Variants in MAP4K1 observed in about 807,000 individuals in gnomAD.
The protein encoded by MAP4K1 is MAPK/ERK kinase kinase kinase 1.
In MAP4K1, 35 loss-of-function variants were observed where a neutral mutation model predicts 122.8. The observed-to-expected ratio is 0.29, with a 90% CI of 0.22 to 0.38. MAP4K1 has a LOEUF of 0.38. Ranked by LOEUF, MAP4K1 falls within the 10% of genes least tolerant of loss-of-function variation. MAP4K1 has a pLI of 1.00. For synonymous variants in MAP4K1, 412 were observed against 421.3 expected (o/e 0.98, Z 0.27); for missense variants, 791 against 1,072.6 (o/e 0.74, Z 3.67).
intron 4 of MAP4K1, 62 bp from the exon 5 acceptor site, chr19:38,614,507 A>G: frequency 6.4e-7 from 1 of 1,573,610 alleles, no homozygotes; most frequent in Non-Finnish European, 8.7e-7. Flanking sequence ...TGGGCTGGGG[A>G]GTCCTGCCCC....
In MAP4K1 at chr19:38,595,807, G is replaced by A. The variant is rs1974856813; in HGVS notation, c.2180-78C>T. On this transcript the variant is annotated intron_variant, in intron 27 of 30. Transcript: ENST00000396857. The stretch of plus-strand genomic sequence containing the variant: ...TAAGGGACCAATCCATAAATTCAGT[G>A]TGAAAGCTATGTAGGACAGGGGCAA... 4 of 1,491,536 alleles carry A rather than the reference G, an allele frequency of 2.7e-6. No individual in the cohort carries two copies. In the South Asian group the frequency reaches 3.5e-5, roughly 13 times the overall value. The allele number at this position is 1,491,536 out of a possible 1,614,324, so 92.4% of individuals were successfully genotyped here.
chr19:38,612,146 G>A (rs938274814), intron 9 of MAP4K1, among the ~76,000 whole-genome samples: 5 of 151,586 alleles, frequency 3.3e-5, no homozygotes, highest in Admixed American at 2.6e-4. Flanking sequence ...TAGGCTGGGT[G>A]CAGTGGTTCA....
At chr19:38,610,679 C>T (rs1184808790) in intron 11 of MAP4K1, among the ~76,000 whole-genome samples, 1 of 152,100 alleles carries the variant, frequency 6.6e-6, no homozygotes, top group Admixed American at 6.6e-5. Context: ...AGCCACCATG[C>T]CCAGCCGACC....
chr19:38,590,388 AAAAAAAATAT>A (rs1482092156), intron 30 of MAP4K1, among the ~76,000 whole-genome samples: 26 of 48,754 alleles, frequency 5.3e-4, no homozygotes, highest in Non-Finnish European at 7.2e-4. Flanking sequence ...AAAAAAAAAA[AAAAAAAATAT>A]ATATATATAT....
Position 38,605,584 on chromosome 19 carries a change from G to C in MAP4K1, c.1347C>G (p.His449Gln), listed in dbSNP as rs1252710565. The change falls in exon 18 of 31, where the codon CAC becomes CAG. Residue 449 changes from histidine (H) to glutamine (Q), a missense_variant. This residue lies in a region of MAP4K1 where 303 missense variants were observed against 344.8 expected (regional missense o/e 0.88). Transcript: ENST00000396857. The stretch of plus-strand genomic sequence containing the variant: ...TCCCATTACCTGAATGGGCGGTGAG[G>C]TGGGGGCTGCTGGTGGATGGGGGAG... ...PGPPPSTSSP[H>Q]LTAHSEPSLW... 1 of 1,548,352 alleles carries C rather than the reference G, an allele frequency of 6.5e-7. No homozygotes were observed. Among genetic ancestry groups the C allele is most frequent in the African/African-American group, 1.4e-5 (1 of 72,898 alleles).
At chr19:38,596,918 T>TG (rs1974906358) in intron 25 of MAP4K1, 116 bp downstream of exon 25, 3 of 960,644 alleles carry the variant, frequency 3.1e-6, no homozygotes, top group Admixed American at 4.4e-5. Flanking sequence ...CTCGGGAGAT[T>TG]GGGGCGGGGC....
chr19:38,604,802 G>T (rs1017226515), intron 19 of MAP4K1, among the ~76,000 whole-genome samples: 1 of 128,404 alleles, frequency 7.8e-6, no homozygotes, highest in African/African-American at 3.0e-5. Context: ...AAAAAAAAAA[G>T]CATGCCAGAC....
intron 8 of MAP4K1, 48 bp from the exon 9 acceptor site, chr19:38,612,790 A>G: frequency 6.3e-7 from 1 of 1,599,946 alleles, no homozygotes; most frequent in Non-Finnish European, 8.5e-7. Flanking sequence ...GGGGACAGGA[A>G]GGGAAGGAGG....
intron 16 of MAP4K1, among the ~76,000 whole-genome samples, chr19:38,606,894 A>G (rs1335821647): frequency 6.6e-6 from 1 of 152,108 alleles, no homozygotes; most frequent in East Asian, 1.9e-4. Context: ...GAGTGCGCGC[A>G]CCTGGATGGA....
intron 20 of MAP4K1, 163 bp downstream of exon 20, chr19:38,601,278 C>A (rs1171909232): frequency 1.7e-6 from 1 of 603,006 alleles, no homozygotes; most frequent in Non-Finnish European, 2.9e-6. Context: ...TCACCAAATC[C>A]TGAGTGTAAG....
In MAP4K1 at chr19:38,617,758, A is replaced by C. The variant is rs1975693828; in HGVS notation, c.99+39T>G. 6.2e-7 allele frequency: 1 copy of C among 1,611,210 alleles called. No homozygotes were observed. Among genetic ancestry groups the C allele is most frequent in the Non-Finnish European group, 8.5e-7 (1 of 1,177,396 alleles). On this transcript the variant is annotated intron_variant, in intron 1 of 30. Coordinates refer to ENST00000396857, the MANE Select transcript of MAP4K1 (RefSeq NM_001042600.3). The surrounding 1 kb of genome is among the most constrained non-coding windows in gnomAD (Gnocchi z 4.1). ...CTGCCGAGGGCTTGCCTTAAAGGTCACTGGTTGTAGGGTGTTGGGGACAGA... is the reference window on the plus strand; with the variant it reads ...CTGCCGAGGGCTTGCCTTAAAGGTCCCTGGTTGTAGGGTGTTGGGGACAGA...
chr19:38,601,724 T>G (rs183412272), intron 19 of MAP4K1, 199 bp from the exon 20 acceptor site: 138 of 554,612 alleles, frequency 2.5e-4, no homozygotes, highest in Admixed American at 6.3e-4. Context: ...TTTGTTTTTT[T>G]TTGTTGTTGT....
Position 38,605,682 on chromosome 19 carries a change from C to A in MAP4K1, c.1249G>T (p.Asp417Tyr). 1 of 1,607,598 alleles carries A rather than the reference C, an allele frequency of 6.2e-7. No homozygotes were observed. The change falls in exon 18 of 31, where the codon GAT becomes TAT. Residue 417 changes from aspartate (D) to tyrosine (Y), a missense_variant. By Grantham distance (160) the Asp-to-Tyr change is radical (BLOSUM62 -3). Coordinates refer to ENST00000396857, the MANE Select transcript of MAP4K1 (RefSeq NM_001042600.3). Reference sequence around the variant, plus strand: ...AGCACCCCCGGGCTCAGCTGCCCATCATCCCCCATGCTCCCAGGACCCTCG... The same window carrying A: ...AGCACCCCCGGGCTCAGCTGCCCATAATCCCCCATGCTCCCAGGACCCTCG... ...SDEGPGSMGD[D>Y]GQLSPGVLVR...
chr19:38,609,700 G>A, intron 12 of MAP4K1, 26 bp from the exon 13 acceptor site: 1 of 1,596,874 alleles, frequency 6.3e-7, no homozygotes, highest in East Asian at 2.2e-5. Flanking sequence ...GCCACGTCAG[G>A]GCTCAAGACC....
At position 38,609,912 on chromosome 19, in the gene MAP4K1, G is replaced by C. The variant is rs140049352; in HGVS notation, c.924C>G (p.Pro308=). Residue 308 remains proline (P), a synonymous_variant, in exon 12 of 31, where the codon CCC becomes CCG. Coordinates refer to ENST00000396857, the MANE Select transcript of MAP4K1 (RefSeq NM_001042600.3). ...PSIGDIEDEE[P]ELPPAIPRRI... ...TCTTGTCAGCCAAGGCTCTCACCTC[G>C]GGCTCCTCATCCTCAATGTCCCCAA... 2.5e-5 allele frequency: 41 copies of C among 1,613,330 alleles called. No individual in the cohort carries two copies. Among genetic ancestry groups the C allele is most frequent in the Middle Eastern group, 1.6e-4 (1 of 6,062 alleles).
At chr19:38,596,710 C>T (rs1974898379) in intron 25 of MAP4K1, among the ~76,000 whole-genome samples, 1 of 152,124 alleles carries the variant, frequency 6.6e-6, no homozygotes, top group South Asian at 2.1e-4. Flanking sequence ...TGGCGGCAGA[C>T]GGGCAGGGCC....
intron 12 of MAP4K1, 80 bp downstream of exon 12, chr19:38,609,820 GAGAGGCAGC>G (rs985829338): frequency 7.4e-7 from 1 of 1,348,402 alleles, no homozygotes; most frequent in African/African-American, 1.4e-5. Flanking sequence ...TTCCCCCTAA[GAGAGGCAGC>G]AGGAAGGCAC....
At chr19:38,607,177 C>T (rs1723866901) in intron 16 of MAP4K1, among the ~76,000 whole-genome samples, 1 of 151,848 alleles carries the variant, frequency 6.6e-6, no homozygotes, top group African/African-American at 2.4e-5. Flanking sequence ...ATTGGAGCAG[C>T]AGCACATTCT....
intron 3 of MAP4K1, 25 bp from the exon 4 acceptor site, chr19:38,616,284 A>G (rs2303041): frequency 0.053 from 84,110 of 1,580,510 alleles, 9,685 homozygotes; most frequent in East Asian, 0.53. Flanking sequence ...GAGTAAGAAT[A>G]ATAATAGCAG....
Sources: allele counts gnomAD v4.1 joint callset (sites outside exome capture counted in the v4.1 genomes callset), GRCh38; gene constraint gnomAD v4.1.1; regional missense constraint gnomAD v4.1.1; non-coding constraint Gnocchi (gnomAD v3.1); transcripts MANE v1.5; gene names NCBI Gene and HGNC (gene_info 2026-07-23, HGNC 2026-07-21).